Variants in TPR observed in about 807,000 individuals in gnomAD.
TPR encodes nucleoprotein TPR.
Under a neutral mutation model 316.1 loss-of-function variants are expected in TPR, and 51 were observed. The observed-to-expected ratio is 0.16, with a 90% CI of 0.13 to 0.20. The LOEUF (loss-of-function observed/expected upper bound fraction) is 0.20. Ranked by LOEUF, TPR falls within the 10% of genes least tolerant of loss-of-function variation. The probability of loss-of-function intolerance (pLI) is 1.00; values close to 1 mark genes in which losing one functional copy is unlikely to be tolerated. For synonymous variants in TPR, 981 were observed against 914.7 expected, an observed-to-expected ratio of 1.07 and a Z score of -1.31; for missense variants, 2,272 against 2,754.8, an observed-to-expected ratio of 0.82 and a Z score of 3.92.
At chr1:186,343,847 TG>T (rs1658593109) in intron 26 of TPR, 58 bp downstream of exon 26, 1 of 1,371,806 alleles carries the variant, frequency 7.3e-7, no homozygotes, top group African/African-American at 1.5e-5. Context: ...TTTATATATT[TG>T]TAGTTTCATT....
intron 27 of TPR, chr1:186,342,870 G>A (rs1263325246): frequency 6.6e-6 from 1 of 152,316 alleles, no homozygotes; most frequent in Non-Finnish European, 1.5e-5. Flanking sequence ...CTCCTTGGGT[G>A]AGAAAGATAT....
At chr1:186,361,577 G>T (rs1238083084) in intron 9 of TPR, 45 bp downstream of exon 9, 12 of 1,490,834 alleles carry the variant, frequency 8.0e-6, no homozygotes, top group South Asian at 3.6e-5. Flanking sequence ...AAAAAAAAAA[G>T]AGTACAATAA....
At chr1:186,317,457 A>G (rs774291418) in intron 49 of TPR, 25 bp downstream of exon 49, 21 of 1,568,638 alleles carry the variant, frequency 1.3e-5, no homozygotes, top group Non-Finnish European at 1.8e-5. Context: ...TAAAAACTGT[A>G]TTGCAGTCAA....
At chr1:186,336,440 C>T in intron 33 of TPR, 56 bp downstream of exon 33, 1 of 1,544,160 alleles carries the variant, frequency 6.5e-7, no homozygotes, top group Non-Finnish European at 8.9e-7. Context: ...TAGTTTTAGG[C>T]CTGCAACACA....
At chr1:186,324,165 TA>T (rs1657850100) in intron 42 of TPR, among the ~76,000 whole-genome samples, 1 of 152,292 alleles carries the variant, frequency 6.6e-6, no homozygotes, top group Admixed American at 6.5e-5. Flanking sequence ...ATGGTTTTTC[TA>T]AAGATTTCAG....
In TPR at chr1:186,362,361, T is replaced by C; in HGVS notation, c.716A>G (p.Gln239Arg). 1 of 1,612,078 alleles carries C rather than the reference T, an allele frequency of 6.2e-7. No individual in the cohort carries two copies. Among genetic ancestry groups the C allele is most frequent in the Non-Finnish European group, 8.5e-7 (1 of 1,178,744 alleles). ...KKEEVSRLEE[Q>R]MNGLKTSNEH... is the part of the protein sequence containing the mutation. ...ATTTGATGTTTTTAAGCCATTCATTTGTTCTTCCAGTCTAGAAACCTAAAA... is the reference window on the plus strand; with the variant it reads ...ATTTGATGTTTTTAAGCCATTCATTCGTTCTTCCAGTCTAGAAACCTAAAA... Residue 239 changes from glutamine to arginine, a missense_variant, in exon 7 of 51, where the codon CAA becomes CGA. Gln to Arg is a conservative substitution (Grantham distance 43). Coordinates refer to ENST00000367478, the MANE Select transcript of TPR (RefSeq NM_003292.3).
intron 9 of TPR, among the ~76,000 whole-genome samples, chr1:186,361,337 T>C (rs1430337837): frequency 6.6e-6 from 1 of 151,858 alleles, no homozygotes; most frequent in Non-Finnish European, 1.5e-5. Context: ...TCAGAGTAAA[T>C]GTTTCAAAAA....
intron 24 of TPR, among the ~76,000 whole-genome samples, chr1:186,344,924 C>A (rs1658629912): frequency 6.6e-6 from 1 of 152,046 alleles, no homozygotes; most frequent in Admixed American, 6.6e-5. Flanking sequence ...ATATACACGT[C>A]ACATATATAT....
At chr1:186,361,145 A>G (rs1343742506) in intron 9 of TPR, among the ~76,000 whole-genome samples, 1 of 152,058 alleles carries the variant, frequency 6.6e-6, no homozygotes, top group Non-Finnish European at 1.5e-5. Context: ...CAAAGGGTAA[A>G]AAGTGGTTCT....
Position 186,317,520 on chromosome 1 carries a change from G to C in TPR, c.6902C>G (p.Pro2301Arg). ...PVQASDESDL[P>R]STSQDPPSSS... ...AGAAGGAGGATCCTGGCTGGTGGAG[G>C]GGAGATCTGACTCATCAGATGCTTG... Residue 2301 changes from proline (P) to arginine (R), a missense_variant, in exon 49 of 51, where the codon CCC becomes CGC. Transcript: ENST00000367478. 6.2e-7 allele frequency: 1 copy of C among 1,614,110 alleles called. No homozygotes were observed. Among genetic ancestry groups the C allele is most frequent in the East Asian group, 2.2e-5 (1 of 44,872 alleles).
intron 42 of TPR, among the ~76,000 whole-genome samples, chr1:186,324,141 C>G (rs1378797300): frequency 6.6e-6 from 1 of 152,094 alleles, no homozygotes; most frequent in Non-Finnish European, 1.5e-5. Flanking sequence ...ACCTCCAAGT[C>G]TGGTGTTTCT....
rs2102066563 is a variant in TPR at position 186,334,448 on chromosome 1, C to T, written c.5059G>A (p.Ala1687Thr). 1 of 1,613,658 alleles carries T rather than the reference C, an allele frequency of 6.2e-7. No homozygotes were observed. The change falls in exon 36 of 51, where the codon GCT (alanine) becomes ACT (threonine). Residue 1687 changes from alanine to threonine, a missense_variant. Around this residue, in one of 10 missense-constraint regions of TPR, gnomAD observed 109 missense variants for 215.3 expected, o/e 0.51. Transcript: ENST00000367478. ...TPSKVTAAAM[A>T]GNKSTPRASI... ...GCCCTGGGTGTTGACTTATTTCCAG[C>T]CATAGCTGCAGCTGTCACTTTACTT...
At chr1:186,323,596 C>A (rs2102054167) in intron 43 of TPR, 90 bp downstream of exon 43, 3 of 1,243,686 alleles carry the variant, frequency 2.4e-6, no homozygotes, top group South Asian at 4.6e-5. Flanking sequence ...TTAAAAAAAC[C>A]AAGAGAGAGA....
intron 7 of TPR, 130 bp from the exon 8 acceptor site, chr1:186,361,999 C>A (rs553655698): frequency 9.1e-6 from 7 of 770,122 alleles, no homozygotes; most frequent in African/African-American, 7.0e-5. Flanking sequence ...TCAAATCAGT[C>A]TTCATGACAA....
Position 186,313,873 on chromosome 1 carries a change from A to G in TPR, c.*98T>C. ...ATTAATAAAGAATATTGACATGAGT[A>G]TACCAGTTTATATATAAAAATGTTT... is the stretch of plus-strand genomic sequence containing the variant. On this transcript the variant is annotated 3_prime_UTR_variant, in exon 51 of 51. Coordinates refer to ENST00000367478, the MANE Select transcript of TPR (RefSeq NM_003292.3). The G allele has an allele frequency of 6.9e-7, 1 of 1,451,742 alleles. No homozygotes were observed. Among genetic ancestry groups the G allele is most frequent in the Non-Finnish European group, 9.7e-7 (1 of 1,034,412 alleles). The allele number at this position is 1,451,742 out of a possible 1,614,324, so 89.9% of individuals were successfully genotyped here.
intron 21 of TPR, among the ~76,000 whole-genome samples, chr1:186,347,717 T>C (rs938787477): frequency 3.9e-5 from 6 of 152,194 alleles, no homozygotes; most frequent in Non-Finnish European, 7.3e-5. Context: ...CAATCAAATA[T>C]TTCCACTAAA....
rs768122015 is a variant in TPR, at chr1:186,341,100, C to T, written c.3948G>A (p.Glu1316=). ...TCTCTGCCTGCAACATACCGCTTTT[C>T]TCACTCAGCTCAGCATTTGCTTCTT... ...PLQEANAELS[E]KSGMLQAEKK... Residue 1316 remains glutamate (E), a synonymous_variant, in exon 29 of 51, where the codon GAG becomes GAA. Coordinates refer to ENST00000367478, the MANE Select transcript of TPR (RefSeq NM_003292.3). 1.9e-6 allele frequency: 3 copies of T among 1,614,152 alleles called. No individual in the cohort carries two copies. The South Asian group carries it at 3.3e-5, about 18-fold the overall frequency.
At chr1:186,334,255 G>T in intron 36 of TPR, 70 bp downstream of exon 36, 1 of 1,409,738 alleles carries the variant, frequency 7.1e-7, no homozygotes, top group Non-Finnish European at 9.6e-7. Context: ...ATTTGTCTTT[G>T]AAATTACTGT....
chr1:186,349,551 T>C (rs1176622422), intron 21 of TPR, among the ~76,000 whole-genome samples: 4 of 150,930 alleles, frequency 2.7e-5, no homozygotes, highest in Non-Finnish European at 5.9e-5. Flanking sequence ...TCCCAGCTAC[T>C]CGGGAGGCTG....
Sources: gnomAD v4.1 joint callset for allele counts (sites outside exome capture counted in the v4.1 genomes callset) on GRCh38, gnomAD v4.1.1 for gene constraint, gnomAD v4.1.1 regional missense constraint, MANE v1.5 for transcripts, NCBI Gene and HGNC (gene_info 2026-07-23, HGNC 2026-07-21) for gene names.